The following PCDH15 variants were observed in gnomAD, a reference collection of about 807,000 sequenced individuals.
The protein encoded by PCDH15 is protocadherin related 15, also known as protocadherin-15.
Under a neutral mutation model 178.5 loss-of-function variants are expected in PCDH15, and 129 were observed. The observed-to-expected ratio is 0.72, with a 90% CI of 0.63 to 0.84. The LOEUF (loss-of-function observed/expected upper bound fraction) is 0.84. Among genes scored for constraint, PCDH15 ranks in the 40% least tolerant of loss-of-function variants. The pLI, the probability that PCDH15 is intolerant of heterozygous loss-of-function variation, is 0.00. For synonymous variants in PCDH15, 800 were observed against 732.0 expected (o/e 1.09, Z -1.50); for missense variants, 2,230 against 2,099.9 (o/e 1.06, Z -1.21).
intron 3 of PCDH15, among the ~76,000 whole-genome samples, chr10:54,882,162 T>A (rs1954275825): frequency 6.6e-6 from 1 of 152,110 alleles, no homozygotes; most frequent in Non-Finnish European, 1.5e-5. Context: ...GAGAAGAATC[T>A]CATCTGTTAT....
intron 2 of PCDH15, among the ~76,000 whole-genome samples, chr10:55,036,535 G>A (rs1010701627): frequency 2.6e-5 from 4 of 151,970 alleles, no homozygotes; most frequent in African/African-American, 9.7e-5. Context: ...TTATGGTCCC[G>A]CTCACATTTC....
At chr10:54,557,534 T>G (rs2087461668) in intron 2 of PCDH15, among the ~76,000 whole-genome samples, 1 of 152,180 alleles carries the variant, frequency 6.6e-6, no homozygotes, top group African/African-American at 2.4e-5. Flanking sequence ...AGTTTTCTCC[T>G]GTCTTTAAAT....
intron 2 of PCDH15, among the ~76,000 whole-genome samples, chr10:55,584,899 G>A (rs1044285142): frequency 6.6e-6 from 1 of 150,964 alleles, no homozygotes; most frequent in Admixed American, 6.6e-5. Context: ...ATAAATCATA[G>A]GCACTTGAAA....
rs772064912 is a variant in PCDH15, at chr10:54,020,223, G to T, written c.2720C>A (p.Pro907His). The change falls in exon 20 of 38, where the codon CCT (proline) becomes CAT (histidine). Residue 907 changes from proline (P) to histidine (H), a missense_variant. Transcript: ENST00000644397. ...EAFDIYGTMPPGIATVTVIVK... is the reference protein window; with the variant it reads ...EAFDIYGTMPHGIATVTVIVK... ...AATCACTGTGACAGTAGCAATACCA[G>T]GTGGCATTGTTCCATAAATATCAAA... 6.2e-7 allele frequency: 1 copy of T among 1,613,448 alleles called. No homozygotes were observed. Among genetic ancestry groups the T allele is most frequent in the South Asian group, 1.1e-5 (1 of 91,070 alleles).
intron 2 of PCDH15, among the ~76,000 whole-genome samples, chr10:55,346,844 T>C (rs1844770074): frequency 6.6e-6 from 1 of 151,934 alleles, no homozygotes; most frequent in South Asian, 2.1e-4. Flanking sequence ...TTCAAGTGAT[T>C]GAGAGCAGAG....
intron 1 of PCDH15, among the ~76,000 whole-genome samples, chr10:54,722,753 T>A (rs1591286464): frequency 6.6e-6 from 1 of 151,644 alleles, no homozygotes; most frequent in East Asian, 1.9e-4. Flanking sequence ...CCAATAACAT[T>A]CAAGCTGAGA....
intron 5 of PCDH15, among the ~76,000 whole-genome samples, chr10:54,357,616 C>T (rs957070878): frequency 1.1e-4 from 17 of 152,110 alleles, no homozygotes; most frequent in African/African-American, 4.1e-4. Context: ...TCAATGCCAT[C>T]CCCATCAAGC....
At chr10:53,830,578 C>A (rs1180519473) in intron 30 of PCDH15, among the ~76,000 whole-genome samples, 2 of 152,086 alleles carry the variant, frequency 1.3e-5, no homozygotes, top group Non-Finnish European at 2.9e-5. Flanking sequence ...CTTCCCCAGA[C>A]CTAGTGTCAA....
intron 2 of PCDH15, among the ~76,000 whole-genome samples, chr10:55,521,124 T>C (rs1412622744): frequency 3.3e-5 from 5 of 151,982 alleles, no homozygotes; most frequent in Admixed American, 2.6e-4. Flanking sequence ...CCACTCTCTG[T>C]TTATTTGATG....
chr10:54,247,781 A>T (rs1404574403), intron 8 of PCDH15, among the ~76,000 whole-genome samples: 1 of 151,540 alleles, frequency 6.6e-6, no homozygotes, highest in Non-Finnish European at 1.5e-5. Context: ...TAGAGCTTGA[A>T]TTATGATTTT....
intron 1 of PCDH15, among the ~76,000 whole-genome samples, chr10:54,749,546 C>A (rs937374574): frequency 3.3e-5 from 5 of 152,146 alleles, no homozygotes; most frequent in African/African-American, 1.2e-4. Context: ...AATGGCTATA[C>A]TTTTTTAGAA....
chr10:55,416,802 C>A (rs1185642197), intron 2 of PCDH15, among the ~76,000 whole-genome samples: 1 of 151,770 alleles, frequency 6.6e-6, no homozygotes, highest in East Asian at 1.9e-4. Context: ...CATATATAGA[C>A]ATCTAAGCTA....
At chr10:54,987,186 G>A (rs1049665906) in intron 2 of PCDH15, among the ~76,000 whole-genome samples, 14 of 152,230 alleles carry the variant, frequency 9.2e-5, no homozygotes, top group Middle Eastern at 3.4e-3. Flanking sequence ...CCCTGCAGAG[G>A]ACATGAACTC....
chr10:55,454,557 C>T (rs1323042110), intron 2 of PCDH15, among the ~76,000 whole-genome samples: 3 of 149,716 alleles, frequency 2.0e-5, no homozygotes, highest in Non-Finnish European at 4.4e-5. Flanking sequence ...GTGGGCGGAT[C>T]ATGAGATCAG....
intron 1 of PCDH15, among the ~76,000 whole-genome samples, chr10:54,729,238 C>T (rs1943004206): frequency 6.6e-6 from 1 of 151,440 alleles, no homozygotes; most frequent in Non-Finnish European, 1.5e-5. Context: ...ATCAATGGAA[C>T]AGGTTAAAGA....
chr10:54,031,081 T>A lies in PCDH15; in HGVS notation c.2221-7884A>T, dbSNP rs144826796. 7.6e-3 allele frequency among the ~76,000 whole-genome samples: 1,150 copies of A among 152,118 alleles called. 17 individuals carry two copies. Among genetic ancestry groups the A allele is most frequent in the African/African-American group, 0.026 (1,100 of 41,516 alleles). ...ACGTATCACCTATACTCCTGCTTCA[T>A]CGTTGAAGGCAAATCACATGACAAG... is the stretch of plus-strand genomic sequence containing the variant. On this transcript the variant is annotated intron_variant, in intron 18 of 37. Coordinates refer to ENST00000644397, the MANE Select transcript of PCDH15 (RefSeq NM_001384140.1).
At chr10:54,520,432 A>C (rs1055040450) in intron 3 of PCDH15, among the ~76,000 whole-genome samples, 3 of 152,214 alleles carry the variant, frequency 2.0e-5, no homozygotes, top group Non-Finnish European at 4.4e-5. Context: ...TCAAAAGAAG[A>C]CATTTATGCA....
chr10:54,447,390 TC>T (rs367781569), intron 3 of PCDH15, among the ~76,000 whole-genome samples: 3,003 of 151,758 alleles, frequency 0.02, 104 homozygotes, highest in African/African-American at 0.068. Context: ...CTCCGCAATT[TC>T]CCCCATGCCC....
chr10:54,115,685 T>C (rs926432519), intron 15 of PCDH15, among the ~76,000 whole-genome samples: 2 of 152,240 alleles, frequency 1.3e-5, no homozygotes, highest in Admixed American at 1.3e-4. Context: ...GAAGTTTAAC[T>C]TCTCCATACA....
Sources: allele counts gnomAD v4.1 joint callset (sites outside exome capture counted in the v4.1 genomes callset), GRCh38; gene constraint gnomAD v4.1.1; transcripts MANE v1.5; gene names NCBI Gene and HGNC (gene_info 2026-07-23, HGNC 2026-07-21).